HS6ST3: variants seen among roughly 807,000 people sequenced by gnomAD.
HS6ST3 encodes heparan-sulfate 6-O-sulfotransferase 3.
Under a neutral mutation model 36.7 loss-of-function variants are expected in HS6ST3, and 12 were observed. That is an observed-to-expected ratio of 0.33 (90% CI 0.21 to 0.53). The LOEUF (loss-of-function observed/expected upper bound fraction) is 0.53, where lower values mean the gene tolerates loss of function less well. Among genes scored for constraint, HS6ST3 ranks in the 20% least tolerant of loss-of-function variants. The pLI, the probability that HS6ST3 is intolerant of heterozygous loss-of-function variation, is 0.95. For synonymous variants in HS6ST3, 240 were observed against 257.5 expected, an observed-to-expected ratio of 0.93 and a Z score of 0.65; for missense variants, 584 against 640.9, an observed-to-expected ratio of 0.91 and a Z score of 0.96.
chr13:96,135,651 G>A (rs753512080), intron 1 of HS6ST3, among the ~76,000 whole-genome samples: 38 of 152,112 alleles, frequency 2.5e-4, no homozygotes, highest in Non-Finnish European at 3.8e-4. Flanking sequence ...TAAACCACAC[G>A]GCATACTGCT....
rs934649810 is a variant in HS6ST3 at position 96,090,205 on chromosome 13, C to T, written c.-658C>T. 1.3e-5 allele frequency among the ~76,000 whole-genome samples: 2 copies of T among 151,530 alleles called. No homozygotes were observed. The highest frequency in any genetic ancestry group is 3.0e-5 in the Non-Finnish European group (2 of 67,658). On this transcript the variant is annotated 5_prime_UTR_variant, in exon 1 of 2. Coordinates refer to ENST00000376705, the MANE Select transcript of HS6ST3 (RefSeq NM_153456.4). ...AGCCCGGAGCGGCAGTGCGACTCGC[C>T]GGGAGAGGCGTCTCCGCAGAGGCGC...
intron 1 of HS6ST3, among the ~76,000 whole-genome samples, chr13:96,824,649 C>G (rs1878612098): frequency 6.6e-6 from 1 of 152,142 alleles, no homozygotes; most frequent in South Asian, 2.1e-4. Context: ...TAATTCCATT[C>G]TGAACATTTG....
chr13:96,276,302 C>G (rs1339978035), intron 1 of HS6ST3, among the ~76,000 whole-genome samples: 2 of 152,150 alleles, frequency 1.3e-5, no homozygotes, highest in Non-Finnish European at 2.9e-5. Context: ...AAGACATTAC[C>G]CTGACTGATA....
intron 1 of HS6ST3, among the ~76,000 whole-genome samples, chr13:96,499,432 A>AC (rs1430037757): frequency 4.6e-5 from 7 of 152,226 alleles, no homozygotes; most frequent in African/African-American, 1.7e-4. Flanking sequence ...ATGAATCTCT[A>AC]CCCTGGAGGA....
intron 1 of HS6ST3, among the ~76,000 whole-genome samples, chr13:96,786,459 T>C (rs1286707372): frequency 6.6e-6 from 1 of 152,172 alleles, no homozygotes; most frequent in Non-Finnish European, 1.5e-5. Context: ...CCCCAGACCC[T>C]GGCATACACC....
chr13:96,307,827 G>A (rs989114898), intron 1 of HS6ST3, among the ~76,000 whole-genome samples: 2 of 152,076 alleles, frequency 1.3e-5, no homozygotes, highest in African/African-American at 4.8e-5. Context: ...AGCTCTCCAC[G>A]ATGAGAGGGA....
chr13:96,347,763 A>G (rs2055162654), intron 1 of HS6ST3, among the ~76,000 whole-genome samples: 1 of 151,954 alleles, frequency 6.6e-6, no homozygotes, highest in Non-Finnish European at 1.5e-5. Context: ...TTTCTCAATC[A>G]CCTATTGGAT....
chr13:96,573,313 A>C (rs1594809785), intron 1 of HS6ST3, among the ~76,000 whole-genome samples: 2 of 152,146 alleles, frequency 1.3e-5, no homozygotes, highest in South Asian at 4.1e-4. Flanking sequence ...CTTTTATTTT[A>C]GGTAAAGAGG....
intron 1 of HS6ST3, among the ~76,000 whole-genome samples, chr13:96,428,791 T>G (rs763513570): frequency 6.6e-6 from 1 of 152,178 alleles, no homozygotes; most frequent in Non-Finnish European, 1.5e-5. Context: ...TCTGCAGTGC[T>G]CCTTAGAAAT....
intron 1 of HS6ST3, among the ~76,000 whole-genome samples, chr13:96,114,509 G>C (rs1566885385): frequency 6.6e-6 from 1 of 152,098 alleles, no homozygotes; most frequent in Non-Finnish European, 1.5e-5. Context: ...TTGTGGATTT[G>C]TATCCCAGTT....
intron 1 of HS6ST3, among the ~76,000 whole-genome samples, chr13:96,799,962 A>ATATATATATATATG (rs1566456775): frequency 5.9e-4 from 41 of 69,292 alleles, no homozygotes; most frequent in Non-Finnish European, 5.5e-4. Context: ...ATATATATAT[A>ATATATATATATATG]TGTGTATATA....
At chr13:96,785,139 A>T (rs1877616705) in intron 1 of HS6ST3, among the ~76,000 whole-genome samples, 2 of 152,128 alleles carry the variant, frequency 1.3e-5, no homozygotes. Context: ...ACTGCACTCC[A>T]GCCTGGGCGA....
chr13:96,107,848 C>T (rs1434664243), intron 1 of HS6ST3, among the ~76,000 whole-genome samples: 3 of 152,268 alleles, frequency 2.0e-5, no homozygotes, highest in East Asian at 1.9e-4. Context: ...TTTCCTATGC[C>T]TGTCTTTAAT....
chr13:96,382,277 C>T (rs1446768180), intron 1 of HS6ST3, among the ~76,000 whole-genome samples: 1 of 152,130 alleles, frequency 6.6e-6, no homozygotes, highest in East Asian at 1.9e-4. Flanking sequence ...GGTCTTATAC[C>T]ATACTCTTTG....
chr13:96,210,456 T>A (rs2054393233), intron 1 of HS6ST3, among the ~76,000 whole-genome samples: 1 of 152,192 alleles, frequency 6.6e-6, no homozygotes, highest in South Asian at 2.1e-4. Flanking sequence ...TTCAGCAATC[T>A]CCTGCTCACA....
intron 1 of HS6ST3, among the ~76,000 whole-genome samples, chr13:96,607,872 C>A (rs1465690700): frequency 6.6e-6 from 1 of 152,080 alleles, no homozygotes; most frequent in Non-Finnish European, 1.5e-5. Context: ...AGCGAGTAAC[C>A]TCAAGAGAAA....
chr13:96,829,195 C>T (rs1469725542), intron 1 of HS6ST3, among the ~76,000 whole-genome samples: 1 of 152,134 alleles, frequency 6.6e-6, no homozygotes, highest in African/African-American at 2.4e-5. Context: ...GGTGGCAAAG[C>T]AGTTCTCTTC....
Position 96,321,405 on chromosome 13 carries a change from T to C in HS6ST3, c.707+229836T>C, listed in dbSNP as rs146593953. Among the ~76,000 whole-genome samples, 110 of 152,314 alleles carry C rather than the reference T, an allele frequency of 7.2e-4. 2 individuals carry two copies. The highest frequency in any genetic ancestry group is 2.5e-3 in the African/African-American group (105 of 41,562). On this transcript the variant is annotated intron_variant, in intron 1 of 1. Coordinates refer to ENST00000376705, the MANE Select transcript of HS6ST3 (RefSeq NM_153456.4). ...ATCACCACTCCTTTGCAGATGATTT[T>C]TTTTCCTCCAGTCTTCCTCAGCTAG...
At chr13:96,157,070 C>CTAT (rs1166110301) in intron 1 of HS6ST3, among the ~76,000 whole-genome samples, 1 of 152,178 alleles carries the variant, frequency 6.6e-6, no homozygotes, top group Non-Finnish European at 1.5e-5. Flanking sequence ...ATTTATTGAT[C>CTAT]TATTAAACAA....
Sources: gnomAD v4.1 joint callset for allele counts (sites outside exome capture counted in the v4.1 genomes callset) on GRCh38, gnomAD v4.1.1 for gene constraint, MANE v1.5 for transcripts, NCBI Gene and HGNC (gene_info 2026-07-23, HGNC 2026-07-21) for gene names.